EIF5: variants seen among roughly 807,000 people sequenced by gnomAD.
EIF5 encodes the protein eukaryotic translation initiation factor 5.
EIF5 carries 10 observed loss-of-function variants against 48.3 expected under a neutral mutation model. The ratio of observed to expected loss-of-function variants is 0.21; its 90% CI spans 0.13 to 0.35. The LOEUF (loss-of-function observed/expected upper bound fraction) is 0.35. Among genes scored for constraint, EIF5 ranks in the 10% least tolerant of loss-of-function variants. The pLI is 1.00. For missense variants in EIF5, 397 were observed against 533.2 expected (o/e 0.74, Z 2.51); for synonymous variants, 237 against 173.1 (o/e 1.37, Z -2.90).
Position 103,341,908 on chromosome 14 carries a change from C to T in EIF5, c.*856C>T, listed in dbSNP as rs1453119039. ...GAGAAACAAGGAAGGGTGCACTTAA[C>T]TAGCAACCTAAGCATGATTTTTCAG... On this transcript the variant is annotated 3_prime_UTR_variant, in exon 12 of 12. Coordinates refer to ENST00000216554, the MANE Select transcript of EIF5 (RefSeq NM_001969.5). 2 of 152,640 alleles carry T rather than the reference C, an allele frequency of 1.3e-5. No individual in the cohort carries two copies. The highest frequency in any genetic ancestry group is 4.8e-5 in the African/African-American group (2 of 41,458). The allele number at this position is 152,640 out of a possible 1,614,324, so 9.5% of individuals were successfully genotyped here. A position where few individuals can be genotyped will look rare whatever the true frequency, so the allele number is the denominator to read the frequency against.
chr14:103,342,014 C>T lies in EIF5; in HGVS notation c.*962C>T, dbSNP rs746957396. On this transcript the variant is annotated 3_prime_UTR_variant, in exon 12 of 12. Coordinates refer to ENST00000216554, the MANE Select transcript of EIF5 (RefSeq NM_001969.5). ...TTCGTTCAGTGTGGCTTTAATTTTC[C>T]CCTCTTGCAGTTTGTTCTGTAATGC... 2.6e-5 allele frequency: 4 copies of T among 152,558 alleles called. No homozygotes were observed. Among genetic ancestry groups the T allele is most frequent in the Non-Finnish European group, 4.4e-5 (3 of 68,022 alleles). 9.5% of individuals were successfully genotyped at this position (152,558 alleles called of 1,614,324 possible). A position where few individuals can be genotyped will look rare whatever the true frequency, so the allele number is the denominator to read the frequency against.
At position 103,336,450 on chromosome 14, in the gene EIF5, A is replaced by C. The variant is rs534566244; in HGVS notation, c.155-227A>C. ...ACAAAAATTAGCCAGGCGTGGTGGC[A>C]TGCGCTTGTAGTCCCAGCTACTTGG... is the stretch of plus-strand genomic sequence containing the variant. On this transcript the variant is annotated intron_variant, in intron 4 of 11. Coordinates refer to ENST00000216554, the MANE Select transcript of EIF5 (RefSeq NM_001969.5). The C allele has an allele frequency of 3.4e-5, 19 of 564,802 alleles. No homozygotes were observed. The East Asian group carries it at 4.9e-4, about 15-fold the overall frequency. 35.0% of individuals were successfully genotyped at this position (564,802 alleles called of 1,614,324 possible).
intron 4 of EIF5, 157 bp downstream of exon 4, chr14:103,336,274 C>T: frequency 1.3e-6 from 1 of 776,604 alleles, no homozygotes; most frequent in South Asian, 1.8e-5. Context: ...ACAAAACTAC[C>T]AGGGGAACGC....
chr14:103,345,017 T>C lies in EIF5; in HGVS notation c.*3965T>C, dbSNP rs1248322549. ...AGATTTTAATAAAGTGTGAAAGTTG[T>C]CAATCAAAGCGGAGTCACTTGTGTT... On this transcript the variant is annotated 3_prime_UTR_variant, in exon 12 of 12. Transcript: ENST00000216554. 6.6e-6 allele frequency: 1 copy of C among 152,154 alleles called. No homozygotes were observed. The highest frequency in any genetic ancestry group is 1.5e-5 in the Non-Finnish European group (1 of 68,020). The allele number at this position is 152,154 out of a possible 1,614,324, so 9.4% of individuals were successfully genotyped here.
Position 103,342,634 on chromosome 14 carries a change from G to A in EIF5, c.*1582G>A, listed in dbSNP as rs1457210324. 1 of 152,568 alleles carries A rather than the reference G, an allele frequency of 6.6e-6. No homozygotes were observed. The highest frequency in any genetic ancestry group is 2.4e-5 in the African/African-American group (1 of 41,430). The allele number at this position is 152,568 out of a possible 1,614,324, so 9.5% of individuals were successfully genotyped here. A position where few individuals can be genotyped will look rare whatever the true frequency, so the allele number is the denominator to read the frequency against. On this transcript the variant is annotated 3_prime_UTR_variant, in exon 12 of 12. Coordinates refer to ENST00000216554, the MANE Select transcript of EIF5 (RefSeq NM_001969.5). Reference sequence around the variant, plus strand: ...ACATTTGATGTAATAAAACTTGGTTGGCTTGATATTTTAAGGAATTGAAAC... The same window carrying A: ...ACATTTGATGTAATAAAACTTGGTTAGCTTGATATTTTAAGGAATTGAAAC...
chr14:103,338,911 T>G lies in EIF5; in HGVS notation c.744+18T>G, dbSNP rs778720875. The G allele has an allele frequency of 6.2e-7, 1 of 1,610,754 alleles. No homozygotes were observed. Among genetic ancestry groups the G allele is most frequent in the Non-Finnish European group, 8.5e-7 (1 of 1,178,140 alleles). ...TTGTTAAGGTAAAACATTTGCTTGG[T>G]CTGTAAATCAGCTTCAACCCAGCCT... On this transcript the variant is annotated intron_variant, in intron 8 of 11. Coordinates refer to ENST00000216554, the MANE Select transcript of EIF5 (RefSeq NM_001969.5).
chr14:103,344,163 G>T lies in EIF5; in HGVS notation c.*3111G>T, dbSNP rs74086702. On this transcript the variant is annotated 3_prime_UTR_variant, in exon 12 of 12. Coordinates refer to ENST00000216554, the MANE Select transcript of EIF5 (RefSeq NM_001969.5). ...TGGGGTGACAGCAAATGACTTGCAG[G>T]TAGTCTCATTGTAGGTTTGTGCACC... is the stretch of plus-strand genomic sequence containing the variant. 5.4e-4 allele frequency: 83 copies of T among 152,354 alleles called. No homozygotes were observed. The highest frequency in any genetic ancestry group is 1.9e-3 in the African/African-American group (78 of 41,572). The allele number at this position is 152,354 out of a possible 1,614,324, so 9.4% of individuals were successfully genotyped here.
rs774948381 is a variant in EIF5 at position 103,341,012 on chromosome 14, C to T, written c.1256C>T (p.Ser419Leu). ...ASVPKVETVK[S>L]DNKDDDIDID... Reference sequence around the variant, plus strand: ...GTACCGAAAGTTGAGACTGTAAAGTCAGACAACAAGGATGACGACATCGAT... The same window carrying T: ...GTACCGAAAGTTGAGACTGTAAAGTTAGACAACAAGGATGACGACATCGAT... Residue 419 changes from serine to leucine, a missense_variant, in exon 12 of 12, where the codon TCA becomes TTA. By Grantham distance (145) the Ser-to-Leu change is moderately radical. Transcript: ENST00000216554. 11 of 1,614,138 alleles carry T rather than the reference C, an allele frequency of 6.8e-6. No homozygotes were observed. In the Admixed American group the frequency reaches 1.3e-4, roughly 20 times the overall value.
At position 103,338,728 on chromosome 14, in the gene EIF5, T is replaced by C; in HGVS notation, c.586-7T>C. 1.9e-6 allele frequency: 3 copies of C among 1,611,574 alleles called. No homozygotes were observed. Among genetic ancestry groups the C allele is most frequent in the Non-Finnish European group, 2.5e-6 (3 of 1,179,216 alleles). On this transcript the variant is annotated splice_polypyrimidine_tract_variant and splice_region_variant and intron_variant, in intron 7 of 11. Coordinates refer to ENST00000216554, the MANE Select transcript of EIF5 (RefSeq NM_001969.5). ...CTTTGATCAAGTAGCTCTGTTTTCA[T>C]AAACAGGAAGAAGAGGAGGATGATG...
Position 103,344,203 on chromosome 14 carries a change from A to C in EIF5, c.*3151A>C, listed in dbSNP as rs1473072986. ...GTTTGTGCACCAGAGTGACCCTGTGAGCCTTTGTTAATAGGTTGGGAGCTC... is the reference window on the plus strand; with the variant it reads ...GTTTGTGCACCAGAGTGACCCTGTGCGCCTTTGTTAATAGGTTGGGAGCTC... On this transcript the variant is annotated 3_prime_UTR_variant, in exon 12 of 12. Coordinates refer to ENST00000216554, the MANE Select transcript of EIF5 (RefSeq NM_001969.5). 1 of 152,168 alleles carries C rather than the reference A, an allele frequency of 6.6e-6. No individual in the cohort carries two copies. Among genetic ancestry groups the C allele is most frequent in the Non-Finnish European group, 1.5e-5 (1 of 68,038 alleles). The allele number at this position is 152,168 out of a possible 1,614,324, so 9.4% of individuals were successfully genotyped here.
chr14:103,341,816 A>G lies in EIF5; in HGVS notation c.*764A>G, dbSNP rs1883. The stretch of plus-strand genomic sequence containing the variant: ...TTACATTAACAAGCATTTTGTGTGT[A>G]CGTAGTAGTTACTTTGTACTGAGAG... On this transcript the variant is annotated 3_prime_UTR_variant, in exon 12 of 12. Coordinates refer to ENST00000216554, the MANE Select transcript of EIF5 (RefSeq NM_001969.5). 0.14 allele frequency: 21,276 copies of G among 152,680 alleles called. 1,712 individuals are homozygous for G. Among genetic ancestry groups the G allele is most frequent in the East Asian group, 0.31 (1,621 of 5,186 alleles). The allele number at this position is 152,680 out of a possible 1,614,324, so 9.5% of individuals were successfully genotyped here. A position where few individuals can be genotyped will look rare whatever the true frequency, so the allele number is the denominator to read the frequency against.
At chr14:103,337,834 A>G (rs746386837) in intron 6 of EIF5, 4 of 510,032 alleles carry the variant, frequency 7.8e-6, no homozygotes, top group South Asian at 4.3e-5. Context: ...CCCCTTCATT[A>G]AACTTGAATA....
Position 103,335,925 on chromosome 14 carries a change from T to C in EIF5, c.65T>C (p.Ile22Thr), listed in dbSNP as rs749183017. 7 of 1,614,222 alleles carry C rather than the reference T, an allele frequency of 4.3e-6. No homozygotes were observed. The highest frequency in any genetic ancestry group is 5.9e-6 in the Non-Finnish European group (7 of 1,180,038). The part of the protein sequence containing the change: ...QFYRYKMPRL[I>T]AKVEGKGNGI... ...TATCGCTACAAGATGCCCCGTCTGA[T>C]TGCCAAGGTAATAAACTGCTCTTCA... Residue 22 changes from isoleucine to threonine, a missense_variant, in exon 3 of 12, where the codon ATT becomes ACT. Transcript: ENST00000216554.
Position 103,341,171 on chromosome 14 carries a change from A to G in EIF5, c.*119A>G, listed in dbSNP as rs2089348831. ...GGCTTAACATCATGCTACACTTTAC[A>G]CTAAAAATCTATTACTGTGAGTGGT... On this transcript the variant is annotated 3_prime_UTR_variant, in exon 12 of 12. Transcript: ENST00000216554. The G allele has an allele frequency of 1.2e-6, 1 of 847,182 alleles. No individual in the cohort carries two copies. The highest frequency in any genetic ancestry group is 1.7e-5 in the African/African-American group (1 of 60,088). The allele number at this position is 847,182 out of a possible 1,614,324, so 52.5% of individuals were successfully genotyped here. A position where few individuals can be genotyped will look rare whatever the true frequency, so the allele number is the denominator to read the frequency against.
chr14:103,340,878 C>T (rs191133818), intron 11 of EIF5, 85 bp from the exon 12 acceptor site: 8 of 1,374,046 alleles, frequency 5.8e-6, no homozygotes, highest in African/African-American at 1.4e-5. Context: ...TAGGCAGTTT[C>T]CTCCTCTGTG....
chr14:103,337,419 A>C (rs2089300247), intron 6 of EIF5, 192 bp downstream of exon 6: 1 of 554,564 alleles, frequency 1.8e-6, no homozygotes, highest in Non-Finnish European at 3.2e-6. Context: ...AGCCTGGCCA[A>C]CATAGTGAAA....
In EIF5 at chr14:103,344,990, G is replaced by A. The variant is rs771628415; in HGVS notation, c.*3938G>A. ...GTAGCTCTTTGAATCTCAGAAAAAA[G>A]TAGATTTTAATAAAGTGTGAAAGTT... is the stretch of plus-strand genomic sequence containing the variant. On this transcript the variant is annotated 3_prime_UTR_variant, in exon 12 of 12. Transcript: ENST00000216554. 2 of 151,932 alleles carry A rather than the reference G, an allele frequency of 1.3e-5. No homozygotes were observed. The highest frequency in any genetic ancestry group is 1.3e-4 in the Admixed American group (2 of 15,258). The allele number at this position is 151,932 out of a possible 1,614,324, so 9.4% of individuals were successfully genotyped here.
Position 103,338,436 on chromosome 14 carries a change from A to G in EIF5, c.549A>G (p.Pro183=), listed in dbSNP as rs111868513. The G allele has an allele frequency of 1.3e-5, 21 of 1,589,748 alleles. No individual in the cohort carries two copies. The African/African-American group carries it at 2.8e-4, about 22-fold the overall frequency. The stretch of plus-strand genomic sequence containing the variant: ...GCAGTGAGACACCACCACCACCACC[A>G]CCACCAAATGAAATTAATCCTCCTC... ...VSSSETPPPP[P]PPNEINPPPH... Residue 183 remains proline (P), a synonymous_variant, in exon 7 of 12, where the codon CCA becomes CCG. Coordinates refer to ENST00000216554, the MANE Select transcript of EIF5 (RefSeq NM_001969.5).
chr14:103,342,192 C>T lies in EIF5; in HGVS notation c.*1140C>T, dbSNP rs1256380537. 6.6e-6 allele frequency: 1 copy of T among 152,234 alleles called. No individual in the cohort carries two copies. The highest frequency in any genetic ancestry group is 1.5e-5 in the Non-Finnish European group (1 of 67,994). The allele number at this position is 152,234 out of a possible 1,614,324, so 9.4% of individuals were successfully genotyped here. A position where few individuals can be genotyped will look rare whatever the true frequency, so the allele number is the denominator to read the frequency against. On this transcript the variant is annotated 3_prime_UTR_variant, in exon 12 of 12. Coordinates refer to ENST00000216554, the MANE Select transcript of EIF5 (RefSeq NM_001969.5). ...ATTTAAAAAGAAAGCTAAAAGCATACTTCTAAGTCAGAGCCTCTATTTTGG... is the reference window on the plus strand; with the variant it reads ...ATTTAAAAAGAAAGCTAAAAGCATATTTCTAAGTCAGAGCCTCTATTTTGG...
Sources: allele counts gnomAD v4.1 joint callset, GRCh38; gene constraint gnomAD v4.1.1; transcripts MANE v1.5; gene names NCBI Gene and HGNC (gene_info 2026-07-23, HGNC 2026-07-21).